Variants in KLRG2 observed in about 807,000 individuals in gnomAD.
KLRG2 encodes killer cell lectin-like receptor subfamily G member 2.
A neutral mutation model predicts 35.4 loss-of-function variants in KLRG2; 39 were observed. The observed-to-expected ratio is 1.10, with a 90% CI of 0.85 to 1.44. The LOEUF (loss-of-function observed/expected upper bound fraction) is 1.44. Ranked by LOEUF, KLRG2 falls within the 40% of genes most tolerant of loss-of-function variation. The pLI is 0.00. For synonymous variants in KLRG2, 283 were observed against 265.8 expected, an observed-to-expected ratio of 1.06 and a Z score of -0.63; for missense variants, 632 against 570.9, an observed-to-expected ratio of 1.11 and a Z score of -1.09.
At chr7:139,461,599 C>A (rs750777680) in intron 3 of KLRG2, among the ~76,000 whole-genome samples, 50 of 152,194 alleles carry the variant, frequency 3.3e-4, no homozygotes, top group Admixed American at 8.5e-4. Flanking sequence ...GATGACATTA[C>A]CTTGTGAAAT....
At chr7:139,455,321 A>ATT (rs557794592) in intron 3 of KLRG2, among the ~76,000 whole-genome samples, 10 of 122,630 alleles carry the variant, frequency 8.2e-5, no homozygotes, top group African/African-American at 1.5e-4. Flanking sequence ...CCCGGCCAAG[A>ATT]TTTTTTTTTT....
chr7:139,481,224 C>T (rs966205421), intron 1 of KLRG2, among the ~76,000 whole-genome samples: 4 of 152,136 alleles, frequency 2.6e-5, no homozygotes, highest in Non-Finnish European at 4.4e-5. Flanking sequence ...AATGCAGCCC[C>T]ACTGAAAACT....
At chr7:139,430,060 G>A in the KLRG2 span, among the ~76,000 whole-genome samples, 394 of 152,306 alleles carry the variant, frequency 2.6e-3, 1 homozygote, top group Non-Finnish European at 4.4e-3. Context: ...TATTCAGATG[G>A]CCGTTGAGCA....
At chr7:139,454,433 C>A (rs1796424707) in intron 3 of KLRG2, among the ~76,000 whole-genome samples, 2 of 152,158 alleles carry the variant, frequency 1.3e-5, no homozygotes, top group Admixed American at 1.3e-4. Context: ...GAGGGTGACC[C>A]CGTCTCAGCC....
At chr7:139,467,108 C>T (rs1796673040) in intron 3 of KLRG2, among the ~76,000 whole-genome samples, 1 of 152,126 alleles carries the variant, frequency 6.6e-6, no homozygotes, top group African/African-American at 2.4e-5. Flanking sequence ...CCCCTTACCA[C>T]AAAATCTTCC....
chr7:139,474,014 CTTT>C (rs751172556), intron 3 of KLRG2, among the ~76,000 whole-genome samples: 5 of 129,920 alleles, frequency 3.8e-5, no homozygotes, highest in East Asian at 2.2e-4. Context: ...GTGGCTCAGA[CTTT>C]TTTTTTTTTT....
chr7:139,478,910 C>T (rs1796903680), intron 3 of KLRG2, among the ~76,000 whole-genome samples: 1 of 151,872 alleles, frequency 6.6e-6, no homozygotes, highest in South Asian at 2.1e-4. Context: ...CAAAAGATGA[C>T]CCAGAGACCA....
At chr7:139,445,779 A>G in the KLRG2 span, among the ~76,000 whole-genome samples, 7 of 120,266 alleles carry the variant, frequency 5.8e-5, no homozygotes, top group Admixed American at 2.2e-4. Flanking sequence ...ATATATATAT[A>G]TGTATATATA....
the KLRG2 span, among the ~76,000 whole-genome samples, chr7:139,443,840 C>T: frequency 3.3e-5 from 5 of 152,158 alleles, no homozygotes; most frequent in African/African-American, 9.7e-5. Context: ...AGAATTGACT[C>T]GTACTATCAC....
chr7:139,469,480 CAG>C (rs1165631799), intron 3 of KLRG2, among the ~76,000 whole-genome samples: 2 of 151,872 alleles, frequency 1.3e-5, no homozygotes, highest in Non-Finnish European at 2.9e-5. Context: ...TTTTTTGAGA[CAG>C]AGTTTCGCTC....
the KLRG2 span, among the ~76,000 whole-genome samples, chr7:139,438,169 G>T: frequency 6.6e-6 from 1 of 152,250 alleles, no homozygotes; most frequent in African/African-American, 2.4e-5. Context: ...ACTTGCAGAT[G>T]TAGGGGAGCC....
chr7:139,460,177 G>A (rs1338737990), intron 3 of KLRG2, among the ~76,000 whole-genome samples: 1 of 152,128 alleles, frequency 6.6e-6, no homozygotes, highest in African/African-American at 2.4e-5. Context: ...TGAGCCACTG[G>A]GCCCTCCAGC....
chr7:139,452,544 A>G (rs945487077), downstream of KLRG2: 3 of 152,214 alleles, frequency 2.0e-5, no homozygotes, highest in Non-Finnish European at 4.4e-5. Context: ...AAACGCACCA[A>G]TAAGGATTTC....
the KLRG2 span, among the ~76,000 whole-genome samples, chr7:139,435,263 G>C: frequency 5.3e-5 from 8 of 152,224 alleles, no homozygotes; most frequent in Non-Finnish European, 1.5e-5. Context: ...GCCGAGGGGA[G>C]TGGATCACTT....
Position 139,483,242 on chromosome 7 carries a change from C to G in KLRG2, c.401G>C (p.Gly134Ala). The change falls in exon 1 of 5, where the codon GGC becomes GCC. Residue 134 changes from glycine to alanine, a missense_variant. Physicochemically the swap from Gly to Ala is moderately conservative, Grantham distance 60. Coordinates refer to ENST00000340940, the MANE Select transcript of KLRG2 (RefSeq NM_198508.4). ...TGGCGTGCTGCTGCCACCGGCCGCG[C>G]CCACGGGCTTCACGCGCACATCTAC... ...LQVDVRVKPV[G>A]AAGGSSTPSP... The G allele has an allele frequency of 6.5e-7, 1 of 1,548,936 alleles. No individual in the cohort carries two copies. The highest frequency in any genetic ancestry group is 8.6e-7 in the Non-Finnish European group (1 of 1,158,512).
At chr7:139,463,209 C>T (rs72487942) in intron 3 of KLRG2, among the ~76,000 whole-genome samples, 1 of 152,148 alleles carries the variant, frequency 6.6e-6, no homozygotes, top group Non-Finnish European at 1.5e-5. Context: ...TTGGCAGCAA[C>T]CTGAGACGCT....
At chr7:139,446,674 A>T in the KLRG2 span, among the ~76,000 whole-genome samples, 1 of 152,074 alleles carries the variant, frequency 6.6e-6, no homozygotes, top group Non-Finnish European at 1.5e-5. Flanking sequence ...CCTGCAGTCC[A>T]TAGCTCCTGG....
At chr7:139,473,230 G>A (rs902361791) in intron 3 of KLRG2, among the ~76,000 whole-genome samples, 2 of 152,180 alleles carry the variant, frequency 1.3e-5, no homozygotes, top group African/African-American at 4.8e-5. Flanking sequence ...GCAGTGAGCT[G>A]AGATTGCTCC....
At chr7:139,475,842 T>C (rs1345480390) in intron 3 of KLRG2, among the ~76,000 whole-genome samples, 2 of 151,974 alleles carry the variant, frequency 1.3e-5, no homozygotes, top group African/African-American at 2.4e-5. Flanking sequence ...TGGGCAGCCT[T>C]AGGGACTGAA....
Sources: gnomAD v4.1 joint callset for allele counts (sites outside exome capture counted in the v4.1 genomes callset) on GRCh38, gnomAD v4.1.1 for gene constraint, MANE v1.5 for transcripts, NCBI Gene and HGNC (gene_info 2026-07-23, HGNC 2026-07-21) for gene names.